The following PSD3 variants were observed in gnomAD, a reference collection of about 807,000 sequenced individuals.
The protein encoded by PSD3 is PH and SEC7 domain-containing protein 3.
PSD3 carries 49 observed loss-of-function variants against 105.5 expected under a neutral mutation model. The ratio of observed to expected loss-of-function variants is 0.46; its 90% CI spans 0.37 to 0.59. The LOEUF (loss-of-function observed/expected upper bound fraction) is 0.59, where lower values mean the gene tolerates loss of function less well. PSD3 is among the 20% of genes least tolerant of loss of function. The pLI, the probability that PSD3 is intolerant of heterozygous loss-of-function variation, is 0.00. For missense variants in PSD3, 1,561 were observed against 1,263.8 expected, an observed-to-expected ratio of 1.24 and a Z score of -3.57; for synonymous variants, 557 against 457.8, an observed-to-expected ratio of 1.22 and a Z score of -2.77.
chr8:18,854,095 TA>T (rs1436795170), intron 4 of PSD3: 3 of 152,270 alleles, frequency 2.0e-5, no homozygotes, highest in African/African-American at 7.2e-5. Flanking sequence ...AATTTCCAGT[TA>T]CCTTCGTCAG....
At chr8:18,926,864 C>A (rs1821399364) in intron 2 of PSD3, among the ~76,000 whole-genome samples, 1 of 152,030 alleles carries the variant, frequency 6.6e-6, no homozygotes. Context: ...GTCCCTCTAC[C>A]CCACCCCTAA....
chr8:18,717,060 C>T (rs1802647291), intron 9 of PSD3, among the ~76,000 whole-genome samples: 1 of 152,152 alleles, frequency 6.6e-6, no homozygotes, highest in African/African-American at 2.4e-5. Flanking sequence ...TGAGATTCTT[C>T]CTAGTTAGAA....
chr8:19,019,744 G>A (rs571078654), intron 1 of PSD3, among the ~76,000 whole-genome samples: 1 of 152,298 alleles, frequency 6.6e-6, no homozygotes, highest in East Asian at 1.9e-4. Context: ...AGATGAAGCT[G>A]AGAGAATACG....
At chr8:18,778,749 G>T (rs950204035) in intron 8 of PSD3, among the ~76,000 whole-genome samples, 1 of 151,476 alleles carries the variant, frequency 6.6e-6, no homozygotes, top group African/African-American at 2.4e-5. Context: ...TTTTTGTGAC[G>T]TATCATGTTT....
chr8:18,666,910 C>T (rs960167097), intron 9 of PSD3, among the ~76,000 whole-genome samples: 1 of 152,172 alleles, frequency 6.6e-6, no homozygotes, highest in African/African-American at 2.4e-5. Context: ...CTTGGTCTCA[C>T]TGACTTCCCT....
intron 10 of PSD3, among the ~76,000 whole-genome samples, chr8:18,648,095 C>T (rs1240133158): frequency 6.6e-6 from 1 of 151,258 alleles, no homozygotes; most frequent in Admixed American, 6.6e-5. Flanking sequence ...TAAACGAATT[C>T]AGAAAAATGG....
intron 12 of PSD3, among the ~76,000 whole-genome samples, chr8:18,594,732 C>T (rs1462199161): frequency 1.3e-5 from 2 of 151,768 alleles, no homozygotes; most frequent in Admixed American, 6.6e-5. Context: ...ACAGTATTTG[C>T]ATATATCATA....
Position 19,055,408 on chromosome 8 carries a change from G to A in PSD3, c.324+28798C>T, listed in dbSNP as rs897721578. Among the ~76,000 whole-genome samples, 3 of 152,058 alleles carry A rather than the reference G, an allele frequency of 2.0e-5. No individual in the cohort carries two copies. The East Asian group carries it at 5.8e-4, about 29-fold the overall frequency. On this transcript the variant is annotated intron_variant, in intron 1 of 1. Transcript: ENST00000521475. ...AGCTGGGGTTACAGGCGCCCGCCAC[G>A]ACGCTCAGCTAATTGTGTATTTTTA... is the stretch of plus-strand genomic sequence containing the variant.
chr8:18,879,055 C>CACACACAA (rs1262017441), intron 2 of PSD3, among the ~76,000 whole-genome samples: 1 of 142,202 alleles, frequency 7.0e-6, no homozygotes, highest in African/African-American at 2.7e-5. Context: ...CACACAAACA[C>CACACACAA]ACACACACAC....
At position 18,561,346 on chromosome 8, in the gene PSD3, G is replaced by A. The variant is rs550452820; in HGVS notation, c.2785-4994C>T. ...TTGCGACAACATGGACAAACCTGGA[G>A]GACATTTTGCTAACTGAAGTAAGAC... is the stretch of plus-strand genomic sequence containing the variant. On this transcript the variant is annotated intron_variant, in intron 14 of 15. Transcript: ENST00000327040. Among the ~76,000 whole-genome samples, 7 of 152,238 alleles carry A rather than the reference G, an allele frequency of 4.6e-5. No homozygotes were observed. The East Asian group carries it at 1.2e-3, about 25-fold the overall frequency.
At chr8:19,008,438 C>T (rs551646348) in intron 1 of PSD3, among the ~76,000 whole-genome samples, 32 of 152,276 alleles carry the variant, frequency 2.1e-4, no homozygotes, top group Non-Finnish European at 3.7e-4. Flanking sequence ...AACACAGTCA[C>T]GAAGACAGCA....
intron 9 of PSD3, among the ~76,000 whole-genome samples, chr8:18,748,316 A>C (rs1308060881): frequency 6.6e-6 from 1 of 152,212 alleles, no homozygotes; most frequent in Non-Finnish European, 1.5e-5. Context: ...TTTAAAGCTT[A>C]TAAATAAATT....
intron 12 of PSD3, among the ~76,000 whole-genome samples, chr8:18,582,051 G>A (rs970731133): frequency 6.6e-6 from 1 of 152,136 alleles, no homozygotes; most frequent in Non-Finnish European, 1.5e-5. Context: ...TTACTTTAGA[G>A]TTCAATCAAC....
At chr8:18,637,636 C>A (rs1807361750) in intron 10 of PSD3, among the ~76,000 whole-genome samples, 1 of 152,106 alleles carries the variant, frequency 6.6e-6, no homozygotes, top group Admixed American at 6.5e-5. Context: ...TGTAAAGTAC[C>A]ATTTCATTTT....
In PSD3 at chr8:18,910,233, A is replaced by G. The variant is rs1820119557; in HGVS notation, c.130+25801T>C. ...TTCACAATAGCAAAGACTTGGAACC[A>G]ACTCAAATGTCCAACAATGATAGAC... On this transcript the variant is annotated intron_variant, in intron 2 of 15. Transcript: ENST00000327040. Among the ~76,000 whole-genome samples, 4 of 149,666 alleles carry G rather than the reference A, an allele frequency of 2.7e-5. No individual in the cohort carries two copies. The Admixed American group carries it at 2.7e-4, about 10-fold the overall frequency.
chr8:18,973,996 C>T (rs932851537), intron 1 of PSD3, among the ~76,000 whole-genome samples: 2 of 152,188 alleles, frequency 1.3e-5, no homozygotes, highest in Non-Finnish European at 2.9e-5. Flanking sequence ...CAGACCATCA[C>T]ACTCCAAAGC....
intron 12 of PSD3, among the ~76,000 whole-genome samples, chr8:18,593,023 G>A (rs1029210331): frequency 6.6e-6 from 1 of 152,208 alleles, no homozygotes; most frequent in Non-Finnish European, 1.5e-5. Flanking sequence ...AACAACCCTA[G>A]AAGAAAACCT....
intron 9 of PSD3, among the ~76,000 whole-genome samples, chr8:18,731,133 G>A (rs1803718012): frequency 1.3e-5 from 2 of 152,114 alleles, no homozygotes; most frequent in South Asian, 2.1e-4. Context: ...GCGGGCAGCT[G>A]AAATCCCAGC....
rs199628183 is a variant in PSD3, at chr8:18,759,078, T to TCACACACACACACACACACACA, written c.2172+6370_2172+6371insTGTGTGTGTGTGTGTGTGTGTG. 1.3e-5 allele frequency among the ~76,000 whole-genome samples: 2 copies of TCACACACACACACACACACACA among 148,554 alleles called. 1 individual carries two copies. Among genetic ancestry groups the TCACACACACACACACACACACA allele is most frequent in the South Asian group, 4.2e-4 (2 of 4,730 alleles). On this transcript the variant is annotated intron_variant, in intron 9 of 15. Coordinates refer to ENST00000327040, the MANE Select transcript of PSD3 (RefSeq NM_015310.4). ...ACATCCTTTCAATTTAACCCATTCT[T>TCACACACACACACACACACACA]CACACACACACACACTCTCTCTCTC... is the stretch of plus-strand genomic sequence containing the variant.
Sources: gnomAD v4.1 joint callset for allele counts (sites outside exome capture counted in the v4.1 genomes callset) on GRCh38, gnomAD v4.1.1 for gene constraint, MANE v1.5 for transcripts, NCBI Gene and HGNC (gene_info 2026-07-23, HGNC 2026-07-21) for gene names.